Variants in PARP16 observed in about 807,000 individuals in gnomAD.
The protein encoded by PARP16 is poly(ADP-ribose) polymerase family member 16, also known as protein mono-ADP-ribosyltransferase PARP16.
PARP16 carries 31 observed loss-of-function variants against 35.0 expected under a neutral mutation model. The observed-to-expected ratio is 0.88, with a 90% CI of 0.66 to 1.19. The LOEUF is 1.19. PARP16 is among the 50% of genes most tolerant of loss of function. PARP16 has a pLI of 0.00. For missense variants in PARP16, 424 were observed against 411.2 expected (o/e 1.03, Z -0.27); for synonymous variants, 162 against 169.5 (o/e 0.96, Z 0.34).
chr15:65,237,160 C>G (rs932299716), intron 3 of PARP16, among the ~76,000 whole-genome samples: 2 of 152,078 alleles, frequency 1.3e-5, no homozygotes, highest in African/African-American at 4.8e-5. Flanking sequence ...CCTCCCCTCC[C>G]CATGAGACTC....
chr15:65,233,356 C>T (rs1316182655), downstream of PARP16, among the ~76,000 whole-genome samples: 1 of 151,322 alleles, frequency 6.6e-6, no homozygotes, highest in East Asian at 2.0e-4. Context: ...GAGCCAAGAT[C>T]GCGCCACTGC....
chr15:65,263,071 A>G, intron 4 of PARP16, 78 bp downstream of exon 4: 1 of 1,368,070 alleles, frequency 7.3e-7, no homozygotes, highest in East Asian at 2.4e-5. Context: ...TGGGTGCTCT[A>G]CCCAACAGCT....
chr15:65,250,752 G>A (rs918802330), intron 2 of PARP16, among the ~76,000 whole-genome samples: 1 of 152,104 alleles, frequency 6.6e-6, no homozygotes, highest in Non-Finnish European at 1.5e-5. Flanking sequence ...GACTTTGATG[G>A]GCCCTGAGGT....
chr15:65,274,854 G>A (rs1345705667), intron 1 of PARP16, among the ~76,000 whole-genome samples: 2 of 152,058 alleles, frequency 1.3e-5, no homozygotes, highest in Admixed American at 6.5e-5. Flanking sequence ...GGTGGCTCAC[G>A]CTTGTAATCC....
chr15:65,234,581 A>G (rs2088828324), exon 4 of PARP16: 1 of 152,178 alleles, frequency 6.6e-6, no homozygotes, highest in Non-Finnish European at 1.5e-5. Flanking sequence ...ATAACAATCA[A>G]TTACATAGTT....
downstream of PARP16, among the ~76,000 whole-genome samples, chr15:65,233,321 C>T (rs2088803586): frequency 6.6e-6 from 1 of 151,956 alleles, no homozygotes; most frequent in African/African-American, 2.4e-5. Flanking sequence ...AGAATGGTGT[C>T]AACCCAGGAG....
downstream of PARP16, among the ~76,000 whole-genome samples, chr15:65,256,519 T>C (rs1270125032): frequency 6.7e-6 from 1 of 149,756 alleles, no homozygotes; most frequent in Non-Finnish European, 1.5e-5. Flanking sequence ...GCCATTCTCC[T>C]GCCTGAGCCT....
In PARP16 at chr15:65,261,024, A is replaced by T; in HGVS notation, c.694T>A (p.Ser232Thr). The T allele has an allele frequency of 6.2e-7, 1 of 1,613,168 alleles. No individual in the cohort carries two copies. The highest frequency in any genetic ancestry group is 1.1e-5 in the South Asian group (1 of 91,036). The change falls in exon 5 of 6, where the codon TCC becomes ACC. Residue 232 changes from serine to threonine, a missense_variant and splice_region_variant. Physicochemically the swap from Ser to Thr is moderately conservative, Grantham distance 58 (BLOSUM62 1). Coordinates refer to ENST00000649807, the MANE Select transcript of PARP16 (RefSeq NM_001316943.2). ...DVKCQTKKKD[S>T]KEIDRRRARI... ...GCTCGTCTGCGATCTATCTCCTTGG[A>T]ATCTGAATAAGGAGAGTAAAACACA...
intron 1 of PARP16, among the ~76,000 whole-genome samples, chr15:65,278,808 A>ATGT (rs2090334648): frequency 2.0e-5 from 3 of 152,218 alleles, no homozygotes; most frequent in Admixed American, 6.5e-5. Context: ...AAAGTGTCAG[A>ATGT]GGTCACAGTT....
chr15:65,233,139 T>C (rs1338448064), downstream of PARP16, among the ~76,000 whole-genome samples: 2 of 152,168 alleles, frequency 1.3e-5, no homozygotes, highest in Non-Finnish European at 2.9e-5. Flanking sequence ...GTTGACCAGG[T>C]GCGGTGGCTC....
rs2090075384 is a variant in PARP16, at chr15:65,270,999, C to T, written c.248G>A (p.Trp83Ter). The change falls in exon 2 of 6, where the codon TGG becomes TAG. Residue 83 changes from tryptophan to a stop codon, truncating the protein, a stop_gained. Transcript: ENST00000649807. LOFTEE classifies it high-confidence loss of function. Reference sequence around the variant, plus strand: ...GGATAAAATCCAGCTCACCAGGTCCCAGGCCCGTTTGTGGTTGTCTCCGGA... The same window carrying T: ...GGATAAAATCCAGCTCACCAGGTCCTAGGCCCGTTTGTGGTTGTCTCCGGA... ...QSSGDNHKRA[W>*]DLVSWILSSK... The T allele has an allele frequency of 6.2e-7, 1 of 1,613,976 alleles. No individual in the cohort carries two copies. Among genetic ancestry groups the T allele is most frequent in the Admixed American group, 1.7e-5 (1 of 59,988 alleles).
At chr15:65,276,466 C>T (rs1595713601) in intron 1 of PARP16, among the ~76,000 whole-genome samples, 1 of 152,128 alleles carries the variant, frequency 6.6e-6, no homozygotes, top group Non-Finnish European at 1.5e-5. Context: ...CTTGACCTTC[C>T]AGGCTCAAGC....
At chr15:65,280,681 C>T (rs2090395537) in intron 1 of PARP16, among the ~76,000 whole-genome samples, 1 of 152,088 alleles carries the variant, frequency 6.6e-6, no homozygotes, top group South Asian at 2.1e-4. Flanking sequence ...AGGGAGTTTG[C>T]TTCAACAAAG....
chr15:65,284,335 CTCTTTT>C (rs1309524034), intron 1 of PARP16, among the ~76,000 whole-genome samples: 3 of 127,520 alleles, frequency 2.4e-5, no homozygotes, highest in Non-Finnish European at 3.2e-5. Context: ...ATTTTCTTTC[CTCTTTT>C]TTTTTTTTTT....
At chr15:65,237,059 CA>C in intron 3 of PARP16, among the ~76,000 whole-genome samples, 1 of 151,830 alleles carries the variant, frequency 6.6e-6, no homozygotes, top group East Asian at 1.9e-4. Flanking sequence ...AACACATTTA[CA>C]ACTTAAAGAT....
intron 3 of PARP16, among the ~76,000 whole-genome samples, chr15:65,235,744 G>A (rs972375644): frequency 1.3e-5 from 2 of 151,526 alleles, no homozygotes; most frequent in African/African-American, 4.9e-5. Context: ...GGAGTCGAGG[G>A]GGCAGTGAGC....
In PARP16 at chr15:65,259,589, A is replaced by AT. The variant is rs746057899; in HGVS notation, c.834-48dup. 4.4e-5 allele frequency: 70 copies of AT among 1,587,364 alleles called. 1 individual carries two copies. The highest frequency in any genetic ancestry group is 1.7e-4 in the Middle Eastern group (1 of 5,990). ...GTGGTGTTGGCAAAAAGAGAAAAAC[A>AT]TTTTTTTTAAGTGTGTACAACAAGT... is the stretch of plus-strand genomic sequence containing the variant. On this transcript the variant is annotated intron_variant, in intron 5 of 5. Coordinates refer to ENST00000649807, the MANE Select transcript of PARP16 (RefSeq NM_001316943.2).
chr15:65,264,416 T>C (rs1567024311), intron 3 of PARP16, among the ~76,000 whole-genome samples: 1 of 152,240 alleles, frequency 6.6e-6, no homozygotes, highest in Non-Finnish European at 1.5e-5. Flanking sequence ...TATCTCAAGA[T>C]AAGTGGACTT....
chr15:65,253,880 C>T (rs549809062), downstream of PARP16, among the ~76,000 whole-genome samples: 5 of 152,004 alleles, frequency 3.3e-5, no homozygotes, highest in East Asian at 3.9e-4. Context: ...TGCAGTGGCA[C>T]GATCTCAGCT....
Sources: gnomAD v4.1 joint callset for allele counts (sites outside exome capture counted in the v4.1 genomes callset) on GRCh38, gnomAD v4.1.1 for gene constraint, MANE v1.5 for transcripts, NCBI Gene and HGNC (gene_info 2026-07-23, HGNC 2026-07-21) for gene names.